The following ARF1 variants were observed in gnomAD, a reference collection of about 807,000 sequenced individuals.
The protein encoded by ARF1 is ADP-ribosylation factor 1.
Under a neutral mutation model 18.0 loss-of-function variants are expected in ARF1, and 1 was observed. The ratio of observed to expected loss-of-function variants is 0.06; its 90% CI spans 0.02 to 0.26. The LOEUF (loss-of-function observed/expected upper bound fraction) is 0.26. ARF1 is among the 10% of genes least tolerant of loss of function. ARF1 has a pLI of 1.00. For synonymous variants in ARF1, 112 were observed against 96.3 expected (o/e 1.16, Z -0.95); for missense variants, 73 against 247.2 (o/e 0.30, Z 4.73).
chr1:228,091,405 T>C (rs2032573662), intron 1 of ARF1, among the ~76,000 whole-genome samples: 1 of 152,170 alleles, frequency 6.6e-6, no homozygotes. Context: ...TGTCGAGTTG[T>C]AATGCCTAAT....
At position 228,098,044 on chromosome 1, in the gene ARF1, C is replaced by T. The variant is rs1283201358; in HGVS notation, c.*31C>T. The T allele has an allele frequency of 1.3e-6, 2 of 1,590,762 alleles. No homozygotes were observed. The highest frequency in any genetic ancestry group is 2.2e-5 in the East Asian group (1 of 44,584). On this transcript the variant is annotated 3_prime_UTR_variant, in exon 5 of 5. Transcript: ENST00000272102. ...ACCCCCCTCCCTCTCACTCCTCTTGCCCTCTGCTTTACTCTCATGTGGCAA... is the reference window on the plus strand; with the variant it reads ...ACCCCCCTCCCTCTCACTCCTCTTGTCCTCTGCTTTACTCTCATGTGGCAA...
intron 1 of ARF1, chr1:228,083,101 C>T (rs539568025): frequency 2.6e-5 from 4 of 152,504 alleles, no homozygotes; most frequent in East Asian, 3.9e-4. Context: ...CTCCAGGAAA[C>T]CTGGGCTTCC....
Position 228,097,877 on chromosome 1 carries a change from C to A in ARF1, c.410C>A (p.Ala137Asp). ...GACCTCCCCAACGCCATGAATGCGG[C>A]CGAGATCACAGACAAGCTGGGGCTG... ...KQDLPNAMNAAEITDKLGLHS... is the reference protein window; with the variant it reads ...KQDLPNAMNADEITDKLGLHS... Residue 137 changes from alanine (A) to aspartate (D), a missense_variant, in exon 5 of 5, where the codon GCC becomes GAC. By Grantham distance (126) the Ala-to-Asp change is moderately radical (BLOSUM62 -2). Transcript: ENST00000272102. The surrounding 1 kb of genome is among the most constrained non-coding windows in gnomAD (Gnocchi z 8.1). The A allele has an allele frequency of 6.2e-7, 1 of 1,614,098 alleles. No individual in the cohort carries two copies. The highest frequency in any genetic ancestry group is 1.1e-5 in the South Asian group (1 of 91,080).
rs766707001 is a variant in ARF1 at position 228,097,334 on chromosome 1, G to A, written c.149-8G>A. 13 of 1,613,270 alleles carry A rather than the reference G, an allele frequency of 8.1e-6. No individual in the cohort carries two copies. Among genetic ancestry groups the A allele is most frequent in the East Asian group, 2.2e-5 (1 of 44,876 alleles). On this transcript the variant is annotated splice_region_variant and splice_polypyrimidine_tract_variant and intron_variant, in intron 2 of 4. Coordinates refer to ENST00000272102, the MANE Select transcript of ARF1 (RefSeq NM_001658.4). This position sits in a 1 kb window ranked among gnomAD's most constrained non-coding sequence, Gnocchi z 8.1. ...GGTACAAGGCCTCACCCTGCATCCC[G>A]CACCCAGGCTTCAACGTGGAAACCG...
rs768803103 is a variant in ARF1, at chr1:228,097,336, A to G, written c.149-6A>G. ...TACAAGGCCTCACCCTGCATCCCGC[A>G]CCCAGGCTTCAACGTGGAAACCGTG... is the stretch of plus-strand genomic sequence containing the variant. On this transcript the variant is annotated splice_region_variant and splice_polypyrimidine_tract_variant and intron_variant, in intron 2 of 4. Coordinates refer to ENST00000272102, the MANE Select transcript of ARF1 (RefSeq NM_001658.4). This position sits in a 1 kb window ranked among gnomAD's most constrained non-coding sequence, Gnocchi z 8.1. 1 of 1,613,606 alleles carries G rather than the reference A, an allele frequency of 6.2e-7. No individual in the cohort carries two copies. Among genetic ancestry groups the G allele is most frequent in the East Asian group, 2.2e-5 (1 of 44,856 alleles).
chr1:228,093,560 TG>T (rs1476159700), intron 1 of ARF1, among the ~76,000 whole-genome samples: 1 of 151,534 alleles, frequency 6.6e-6, no homozygotes, highest in African/African-American at 2.4e-5. Flanking sequence ...TCACCCATCC[TG>T]GTTCTGCCAT....
intron 1 of ARF1, among the ~76,000 whole-genome samples, chr1:228,095,272 G>T (rs1219827094): frequency 7.1e-6 from 1 of 141,064 alleles, no homozygotes; most frequent in African/African-American, 2.7e-5. Flanking sequence ...AGACAGGCCT[G>T]TCTCTTGGTG....
intron 1 of ARF1, chr1:228,090,846 AG>A (rs2032555622): frequency 1.3e-5 from 2 of 152,310 alleles, no homozygotes; most frequent in South Asian, 4.1e-4. Flanking sequence ...GGCAGCACAA[AG>A]GACTGGAGAG....
chr1:228,089,525 T>C lies in ARF1; in HGVS notation c.-38+6760T>C, dbSNP rs2032507278. On this transcript the variant is annotated intron_variant, in intron 1 of 4. Transcript: ENST00000272102. The surrounding 1 kb of genome is among the most constrained non-coding windows in gnomAD (Gnocchi z 4.1). ...TTCTCTGGAAGAGCAAGTCTTTGTGTGGTGTTTCCCCTCAGCCTACATTTT... is the reference window on the plus strand; with the variant it reads ...TTCTCTGGAAGAGCAAGTCTTTGTGCGGTGTTTCCCCTCAGCCTACATTTT... Among the ~76,000 whole-genome samples the C allele has an allele frequency of 1.3e-5, 2 of 152,244 alleles. No homozygotes were observed. The highest frequency in any genetic ancestry group is 2.9e-5 in the Non-Finnish European group (2 of 68,038).
At chr1:228,093,929 C>A (rs1256022188) in intron 1 of ARF1, among the ~76,000 whole-genome samples, 1 of 138,254 alleles carries the variant, frequency 7.2e-6, no homozygotes, top group Non-Finnish European at 1.5e-5. Flanking sequence ...GCACTCCAGC[C>A]TGGATGACAG....
intron 1 of ARF1, among the ~76,000 whole-genome samples, chr1:228,086,727 C>T (rs1417462691): frequency 6.6e-6 from 1 of 152,116 alleles, no homozygotes; most frequent in African/African-American, 2.4e-5. Flanking sequence ...TTTGTAACAT[C>T]CTTTATGAAA....
chr1:228,099,117 A>G lies in ARF1; in HGVS notation c.*1104A>G, dbSNP rs1451550863. 2 of 152,710 alleles carry G rather than the reference A, an allele frequency of 1.3e-5. No homozygotes were observed. Among genetic ancestry groups the G allele is most frequent in the African/African-American group, 2.4e-5 (1 of 41,472 alleles). The allele number at this position is 152,710 out of a possible 1,614,324, so 9.5% of individuals were successfully genotyped here. On this transcript the variant is annotated 3_prime_UTR_variant, in exon 5 of 5. Transcript: ENST00000272102. The stretch of plus-strand genomic sequence containing the variant: ...CTCTTACTGCTTTCAATACACGATT[A>G]GTAATCAACTGTTTTGTATACTTGT...
At chr1:228,091,280 T>C (rs530155197) in intron 1 of ARF1, among the ~76,000 whole-genome samples, 7 of 152,200 alleles carry the variant, frequency 4.6e-5, no homozygotes, top group Non-Finnish European at 8.8e-5. Context: ...TTGCCCCACC[T>C]GAAAGTCAGA....
intron 1 of ARF1, among the ~76,000 whole-genome samples, chr1:228,084,448 AT>A (rs1558082591): frequency 1.3e-5 from 2 of 152,206 alleles, no homozygotes; most frequent in Non-Finnish European, 2.9e-5. Flanking sequence ...TGTGAGGCAG[AT>A]TTTCGGATTT....
In ARF1 at chr1:228,097,078, G is replaced by T. The variant is rs1571844311; in HGVS notation, c.-37G>T. 1.9e-6 allele frequency: 3 copies of T among 1,563,648 alleles called. No individual in the cohort carries two copies. Among genetic ancestry groups the T allele is most frequent in the South Asian group, 1.2e-5 (1 of 81,834 alleles). ...GACATGGAGCACCTTGTCTCTCCAG[G>T]TGTCCCTGGCCAGTGTCCTTCCACC... is the stretch of plus-strand genomic sequence containing the variant. On this transcript the variant is annotated splice_region_variant and 5_prime_UTR_variant, in exon 2 of 5. Coordinates refer to ENST00000272102, the MANE Select transcript of ARF1 (RefSeq NM_001658.4). This position sits in a 1 kb window ranked among gnomAD's most constrained non-coding sequence, Gnocchi z 8.1.
chr1:228,092,489 G>C (rs1246754796), intron 1 of ARF1, among the ~76,000 whole-genome samples: 1 of 152,218 alleles, frequency 6.6e-6, no homozygotes, highest in Non-Finnish European at 1.5e-5. Context: ...CATGTAAGCA[G>C]AGCACATCAT....
chr1:228,086,650 A>G (rs1219615132), intron 1 of ARF1, among the ~76,000 whole-genome samples: 1 of 152,246 alleles, frequency 6.6e-6, no homozygotes, highest in Non-Finnish European at 1.5e-5. Flanking sequence ...TGGCACAGCC[A>G]GGAGGGAAAG....
chr1:228,088,327 A>C (rs1293405819), intron 1 of ARF1: 1 of 152,296 alleles, frequency 6.6e-6, no homozygotes, highest in Non-Finnish European at 1.5e-5. Flanking sequence ...AGTAGGGTGC[A>C]TACTGGGTGG....
chr1:228,093,286 C>T (rs1368434122), intron 1 of ARF1, among the ~76,000 whole-genome samples: 8 of 152,138 alleles, frequency 5.3e-5, no homozygotes, highest in Non-Finnish European at 1.2e-4. Context: ...GGACCCGTAC[C>T]AAGAGGCCCT....
Sources: allele counts gnomAD v4.1 joint callset (sites outside exome capture counted in the v4.1 genomes callset), GRCh38; gene constraint gnomAD v4.1.1; non-coding constraint Gnocchi (gnomAD v3.1); transcripts MANE v1.5; gene names NCBI Gene and HGNC (gene_info 2026-07-23, HGNC 2026-07-21).